The following COL5A1 variants were observed in gnomAD, a reference collection of about 807,000 sequenced individuals.
COL5A1 encodes the protein collagen type V alpha 1 chain.
COL5A1 carries 16 observed loss-of-function variants against 263.7 expected under a neutral mutation model. That is an observed-to-expected ratio of 0.06 (90% CI 0.04 to 0.09). The LOEUF is 0.09. Ranked by LOEUF, COL5A1 falls within the 10% of genes least tolerant of loss-of-function variation. The probability of loss-of-function intolerance (pLI) is 1.00; values close to 1 mark genes in which losing one functional copy is unlikely to be tolerated. For missense variants in COL5A1, 2,036 were observed against 2,540.5 expected (o/e 0.80, Z 4.27); for synonymous variants, 1,012 against 1,004.5 (o/e 1.01, Z -0.14).
chr9:134,826,398 G>A (rs1048075132), intron 63 of COL5A1, among the ~76,000 whole-genome samples: 5 of 152,216 alleles, frequency 3.3e-5, no homozygotes, highest in African/African-American at 9.7e-5. Context: ...TGAAGAATTC[G>A]GGGTGGGGAG....
chr9:134,772,779 T>C lies in COL5A1; in HGVS notation c.2287-11T>C, dbSNP rs372326878. The stretch of plus-strand genomic sequence containing the variant: ...GGCACTGACTAATCAATGCTTCTTC[T>C]TTTGTGACAGGGACACCCTGGCAAA... On this transcript the variant is annotated splice_polypyrimidine_tract_variant and intron_variant, in intron 25 of 65. Coordinates refer to ENST00000371817, the MANE Select transcript of COL5A1 (RefSeq NM_000093.5). 5.0e-6 allele frequency: 8 copies of C among 1,614,052 alleles called. No individual in the cohort carries two copies. Among genetic ancestry groups the C allele is most frequent in the Non-Finnish European group, 5.9e-6 (7 of 1,179,994 alleles).
At chr9:134,783,170 C>A (rs374652392) in intron 29 of COL5A1, among the ~76,000 whole-genome samples, 7 of 152,234 alleles carry the variant, frequency 4.6e-5, no homozygotes, top group Non-Finnish European at 8.8e-5. Context: ...GGGCAGCACG[C>A]GACGTGGGTC....
Position 134,701,217 on chromosome 9 carries a change from A to G in COL5A1, c.538A>G (p.Ile180Val), listed in dbSNP as rs1378938397. 4 of 1,613,968 alleles carry G rather than the reference A, an allele frequency of 2.5e-6. No homozygotes were observed. The highest frequency in any genetic ancestry group is 3.4e-6 in the Non-Finnish European group (4 of 1,180,018). ...CGTCCACAAGAAAAATGTCACCTTG[A>G]TCCTCGACTGTAAAAAGAAGACCAC... is the stretch of plus-strand genomic sequence containing the variant. ...LSVHKKNVTL[I>V]LDCKKKTTKF... The change falls in exon 4 of 66, where the codon ATC (isoleucine) becomes GTC (valine). Residue 180 changes from isoleucine to valine, a missense_variant. Physicochemically the swap from Ile to Val is conservative, Grantham distance 29 (BLOSUM62 3). Coordinates refer to ENST00000371817, the MANE Select transcript of COL5A1 (RefSeq NM_000093.5).
At chr9:134,803,857 A>T (rs1395164245) in intron 39 of COL5A1, among the ~76,000 whole-genome samples, 2 of 151,786 alleles carry the variant, frequency 1.3e-5, no homozygotes. Context: ...AAAAGAAAAA[A>T]AAACAGCCCT....
intron 1 of COL5A1, among the ~76,000 whole-genome samples, chr9:134,654,328 TGTGTGTAGGGCTGGGG>T (rs1831826533): frequency 2.7e-5 from 1 of 36,638 alleles, no homozygotes. Context: ...AGGGCTGGGG[TGTGTGTAGGGCTGGGG>T]GTGTGTAGGG....
intron 37 of COL5A1, among the ~76,000 whole-genome samples, chr9:134,800,616 G>T (rs1838075821): frequency 6.6e-6 from 1 of 152,056 alleles, no homozygotes; most frequent in Admixed American, 6.5e-5. Flanking sequence ...ATGGTGGCAG[G>T]CACCTGTAAT....
intron 4 of COL5A1, among the ~76,000 whole-genome samples, chr9:134,719,449 GAC>G (rs1008847833): frequency 2.6e-5 from 4 of 152,228 alleles, no homozygotes; most frequent in Non-Finnish European, 5.9e-5. Flanking sequence ...CACACACAGT[GAC>G]ACAACACACC....
chr9:134,693,679 G>A (rs547139366), intron 2 of COL5A1, among the ~76,000 whole-genome samples: 11 of 152,254 alleles, frequency 7.2e-5, no homozygotes, highest in Non-Finnish European at 1.3e-4. Flanking sequence ...GCCATACCCC[G>A]CCTCGCCCCT....
chr9:134,739,885 T>TGGG (rs1835239412), intron 11 of COL5A1, among the ~76,000 whole-genome samples: 1 of 151,848 alleles, frequency 6.6e-6, no homozygotes, highest in Non-Finnish European at 1.5e-5. Flanking sequence ...GGGGAGGAGA[T>TGGG]GGGAGCACTG....
intron 64 of COL5A1, among the ~76,000 whole-genome samples, chr9:134,834,384 A>T (rs992398740): frequency 2.6e-5 from 4 of 152,228 alleles, no homozygotes; most frequent in African/African-American, 7.2e-5. Flanking sequence ...GGAGGCACCC[A>T]GGTGGCAGAA....
chr9:134,800,112 C>A (rs1427329596), intron 37 of COL5A1, among the ~76,000 whole-genome samples: 1 of 152,220 alleles, frequency 6.6e-6, no homozygotes, highest in Non-Finnish European at 1.5e-5. Context: ...ATATGAAACA[C>A]CAACGGTCAT....
chr9:134,688,989 G>C (rs930695327), intron 1 of COL5A1, among the ~76,000 whole-genome samples: 2 of 152,152 alleles, frequency 1.3e-5, no homozygotes, highest in African/African-American at 2.4e-5. Flanking sequence ...CGGGGGTGGG[G>C]GTGGCACAGG....
At chr9:134,748,076 C>G (rs1461545773) in intron 11 of COL5A1, among the ~76,000 whole-genome samples, 1 of 151,642 alleles carries the variant, frequency 6.6e-6, no homozygotes, top group Non-Finnish European at 1.5e-5. Context: ...CACACACCCA[C>G]AAACATGCAT....
At chr9:134,787,068 G>C (rs928286125) in intron 31 of COL5A1, among the ~76,000 whole-genome samples, 1 of 152,252 alleles carries the variant, frequency 6.6e-6, no homozygotes, top group African/African-American at 2.4e-5. Flanking sequence ...TCTAACAGTG[G>C]CTCGTTGAAC....
intron 18 of COL5A1, among the ~76,000 whole-genome samples, chr9:134,760,073 T>C (rs1396199203): frequency 2.2e-4 from 11 of 50,072 alleles, no homozygotes; most frequent in Admixed American, 2.7e-4. Flanking sequence ...CACTCATACA[T>C]GCACACACGC....
intron 32 of COL5A1, among the ~76,000 whole-genome samples, chr9:134,792,921 G>A (rs28571124): frequency 0.015 from 533 of 36,452 alleles, 5 homozygotes; most frequent in African/African-American, 0.04. Context: ...GTGTGTGTGC[G>A]CATGTGTATG....
In COL5A1 at chr9:134,802,921, C is replaced by T. The variant is rs780601499; in HGVS notation, c.3040C>T (p.Arg1014Cys). The T allele has an allele frequency of 1.2e-5, 19 of 1,612,072 alleles. No homozygotes were observed. Among genetic ancestry groups the T allele is most frequent in the African/African-American group, 2.7e-5 (2 of 74,922 alleles). Residue 1014 changes from arginine (R) to cysteine (C), a missense_variant, in exon 39 of 66, where the codon CGT (arginine) becomes TGT (cysteine). Coordinates refer to ENST00000371817, the MANE Select transcript of COL5A1 (RefSeq NM_000093.5). Reference sequence around the variant, plus strand: ...GGGAGAAACGGGCCCAATGGGTGAGCGTGGCCACCCTGGGCCCCCTGGACC... The same window carrying T: ...GGGAGAAACGGGCCCAATGGGTGAGTGTGGCCACCCTGGGCCCCCTGGACC... ...PTGETGPMGE[R>C]GHPGPPGPPG... is the part of the protein sequence containing the mutation.
At chr9:134,774,731 A>C in intron 26 of COL5A1, 128 bp from the exon 27 acceptor site, 1 of 940,062 alleles carries the variant, frequency 1.1e-6, no homozygotes, top group South Asian at 1.4e-5. Flanking sequence ...GCCTCTCTGG[A>C]GGCTCTGAGC....
intron 1 of COL5A1, among the ~76,000 whole-genome samples, chr9:134,644,402 A>G (rs1369551816): frequency 1.7e-4 from 2 of 11,652 alleles, no homozygotes; most frequent in Non-Finnish European, 2.7e-4. Flanking sequence ...CGCTGGGGGG[A>G]GGGGGCGGCT....
Sources: gnomAD v4.1 joint callset for allele counts (sites outside exome capture counted in the v4.1 genomes callset) on GRCh38, gnomAD v4.1.1 for gene constraint, MANE v1.5 for transcripts, NCBI Gene and HGNC (gene_info 2026-07-23, HGNC 2026-07-21) for gene names.